GALNTL6: variants seen among roughly 807,000 people sequenced by gnomAD.
GALNTL6 encodes the protein polypeptide N-acetylgalactosaminyltransferase like 6.
Under a neutral mutation model 73.7 loss-of-function variants are expected in GALNTL6, and 46 were observed. The ratio of observed to expected loss-of-function variants is 0.62; its 90% CI spans 0.49 to 0.80. GALNTL6 has a LOEUF of 0.80. Ranked by LOEUF, GALNTL6 falls within the 30% of genes least tolerant of loss-of-function variation. The pLI is 0.00. For synonymous variants in GALNTL6, 259 were observed against 263.7 expected (o/e 0.98, Z 0.17); for missense variants, 604 against 755.0 (o/e 0.80, Z 2.34).
chr4:171,914,779 A>AT (rs1447012164), intron 2 of GALNTL6, among the ~76,000 whole-genome samples: 25 of 100,660 alleles, frequency 2.5e-4, no homozygotes, highest in South Asian at 1.7e-3. Flanking sequence ...AGTAAAAATG[A>AT]TAAAAAAAAA....
chr4:172,665,682 A>G (rs771305579), intron 5 of GALNTL6, among the ~76,000 whole-genome samples: 1 of 152,264 alleles, frequency 6.6e-6, no homozygotes, highest in African/African-American at 2.4e-5. Flanking sequence ...AGTAAAGGGC[A>G]GGGACTATGA....
intron 2 of GALNTL6, among the ~76,000 whole-genome samples, chr4:171,942,782 C>G (rs1464967914): frequency 6.6e-6 from 1 of 152,290 alleles, no homozygotes; most frequent in Non-Finnish European, 1.5e-5. Flanking sequence ...TGCTCAATTA[C>G]GAATGGGTCA....
intron 5 of GALNTL6, among the ~76,000 whole-genome samples, chr4:172,370,554 C>T (rs890380955): frequency 4.1e-5 from 6 of 146,990 alleles, no homozygotes; most frequent in Non-Finnish European, 5.9e-5. Context: ...TGGTGTGAAC[C>T]CAGGAGTCAG....
chr4:172,288,027 C>A (rs1436018431), intron 3 of GALNTL6, among the ~76,000 whole-genome samples: 3 of 152,100 alleles, frequency 2.0e-5, no homozygotes, highest in East Asian at 1.9e-4. Context: ...ATTAGAAAAA[C>A]CAAGCAGATC....
intron 3 of GALNTL6, among the ~76,000 whole-genome samples, chr4:172,303,458 T>C (rs2626621): frequency 0.81 from 123,474 of 152,080 alleles, 50,590 homozygotes; most frequent in Non-Finnish European, 0.87. Flanking sequence ...ATACCAAACC[T>C]TAGTTGCGAT....
intron 5 of GALNTL6, chr4:172,668,856 A>C (rs1303822570): frequency 7.2e-5 from 11 of 152,152 alleles, no homozygotes; most frequent in Non-Finnish European, 1.3e-4. Flanking sequence ...TTTCTAAGAC[A>C]AGAGGTTCTG....
At chr4:172,784,732 G>A (rs915346701) in intron 5 of GALNTL6, among the ~76,000 whole-genome samples, 1 of 152,124 alleles carries the variant, frequency 6.6e-6, no homozygotes, top group African/African-American at 2.4e-5. Flanking sequence ...GAAATGTTGG[G>A]ATAGAAAGTA....
chr4:172,822,373 A>G (rs1222862218), intron 7 of GALNTL6, among the ~76,000 whole-genome samples: 1 of 152,036 alleles, frequency 6.6e-6, no homozygotes, highest in Non-Finnish European at 1.5e-5. Flanking sequence ...GGTTATGTGC[A>G]CTATTTTAAA....
intron 8 of GALNTL6, among the ~76,000 whole-genome samples, chr4:172,926,342 G>A (rs779689979): frequency 3.7e-4 from 56 of 152,286 alleles, no homozygotes; most frequent in Non-Finnish European, 7.6e-4. Flanking sequence ...TTGATAGGGT[G>A]GATGGATACA....
chr4:173,018,310 C>T (rs72708759), intron 11 of GALNTL6, among the ~76,000 whole-genome samples: 10,251 of 152,198 alleles, frequency 0.067, 471 homozygotes, highest in African/African-American at 0.12. Flanking sequence ...TTATCATTTG[C>T]TATTGTTGTA....
At chr4:172,312,378 C>T (rs569187666) in intron 4 of GALNTL6, among the ~76,000 whole-genome samples, 1 of 152,262 alleles carries the variant, frequency 6.6e-6, no homozygotes, top group East Asian at 1.9e-4. Context: ...CCACCCCCAT[C>T]TACATCTAAC....
chr4:172,020,410 A>T (rs1185125882), intron 2 of GALNTL6, among the ~76,000 whole-genome samples: 1 of 151,860 alleles, frequency 6.6e-6, no homozygotes, highest in African/African-American at 2.4e-5. Context: ...AAATTGAAAA[A>T]GCTTTAGCAA....
At chr4:172,379,548 A>G (rs1743189871) in intron 5 of GALNTL6, among the ~76,000 whole-genome samples, 1 of 145,440 alleles carries the variant, frequency 6.9e-6, no homozygotes, top group African/African-American at 2.7e-5. Flanking sequence ...AAAAAAAAAA[A>G]AAAAAAAAAG....
chr4:172,367,442 T>A (rs79911656), intron 5 of GALNTL6, among the ~76,000 whole-genome samples: 13 of 152,124 alleles, frequency 8.5e-5, no homozygotes, highest in Admixed American at 3.9e-4. Flanking sequence ...AATGAATGCC[T>A]TCATAAGGCC....
chr4:172,441,340 C>T (rs1731831509), intron 5 of GALNTL6, among the ~76,000 whole-genome samples: 2 of 152,008 alleles, frequency 1.3e-5, no homozygotes, highest in African/African-American at 4.8e-5. Context: ...GACAGTTAAT[C>T]TTTATTATTC....
intron 5 of GALNTL6, among the ~76,000 whole-genome samples, chr4:172,418,223 AG>A (rs1479787278): frequency 1.3e-5 from 2 of 152,156 alleles, no homozygotes; most frequent in African/African-American, 4.8e-5. Flanking sequence ...TTTAGGTTAA[AG>A]GTTATTTTCA....
intron 5 of GALNTL6, among the ~76,000 whole-genome samples, chr4:172,744,521 C>T (rs908704012): frequency 1.3e-5 from 2 of 152,088 alleles, no homozygotes; most frequent in Non-Finnish European, 2.9e-5. Flanking sequence ...TGTGATGACT[C>T]AAATCAGGGT....
chr4:172,432,272 T>C (rs906463224), intron 5 of GALNTL6, among the ~76,000 whole-genome samples: 1 of 151,604 alleles, frequency 6.6e-6, no homozygotes, highest in African/African-American at 2.4e-5. Context: ...TATATGAGTG[T>C]GGTCTAGTAT....
chr4:172,902,967 C>T, intron 8 of GALNTL6, among the ~76,000 whole-genome samples: 1 of 152,178 alleles, frequency 6.6e-6, no homozygotes, highest in East Asian at 1.9e-4. Flanking sequence ...ACTACAATTC[C>T]TCATCGTCAC....
Sources: allele counts gnomAD v4.1 joint callset (sites outside exome capture counted in the v4.1 genomes callset), GRCh38; gene constraint gnomAD v4.1.1; transcripts MANE v1.5; gene names NCBI Gene and HGNC (gene_info 2026-07-23, HGNC 2026-07-21).